Variants in DENND5B observed in about 807,000 individuals in gnomAD.
DENND5B encodes DENN domain containing 5B.
DENND5B carries 34 observed loss-of-function variants against 140.6 expected under a neutral mutation model. The ratio of observed to expected loss-of-function variants is 0.24; its 90% confidence interval spans 0.18 to 0.32. DENND5B has a LOEUF of 0.32. Among genes scored for constraint, DENND5B ranks in the 10% least tolerant of loss-of-function variants. DENND5B has a pLI of 1.00. For missense variants in DENND5B, 1,142 were observed against 1,560.2 expected (o/e 0.73, Z 4.52); for synonymous variants, 551 against 562.1 (o/e 0.98, Z 0.28).
At chr12:31,448,846 CA>C (rs200008716) in intron 5 of DENND5B, among the ~76,000 whole-genome samples, 1 of 134,928 alleles carries the variant, frequency 7.4e-6, no homozygotes, top group African/African-American at 2.5e-5. Flanking sequence ...ACCGCATTTC[CA>C]AAAAAACAAA....
chr12:31,447,567 T>C lies in DENND5B; in HGVS notation c.1832A>G (p.Tyr611Cys), dbSNP rs914100974. 1.9e-6 allele frequency: 3 copies of C among 1,613,490 alleles called. No homozygotes were observed. The highest frequency in any genetic ancestry group is 2.5e-6 in the Non-Finnish European group (3 of 1,179,636). ...TTCTTTTAAAGTGCTGCATTTCTGA[T>C]ATATAGATGTCCGCAAGGTGGGTGC... ...VRAPTLRTSI[Y>C]QKCSTLKEAA... Residue 611 changes from tyrosine (Y) to cysteine (C), a missense_variant, in exon 6 of 21, where the codon TAT (tyrosine) becomes TGT (cysteine). Around this residue, in one of 5 missense-constraint regions of DENND5B, gnomAD observed 708 missense variants for 905.5 expected, o/e 0.78. Transcript: ENST00000389082.
chr12:31,546,155 C>CTA (rs758250250), intron 1 of DENND5B, among the ~76,000 whole-genome samples: 19 of 151,768 alleles, frequency 1.3e-4, no homozygotes, highest in Non-Finnish European at 1.8e-4. Context: ...AAATTAGAAA[C>CTA]TATATATATA....
At chr12:31,392,454 A>T (rs1941197199) in intron 18 of DENND5B, 61 bp from the exon 19 acceptor site, 1 of 1,595,198 alleles carries the variant, frequency 6.3e-7, no homozygotes. Context: ...TAAAAAAAAC[A>T]CTAGAGAAGC....
chr12:31,418,546 G>A (rs991328959), intron 11 of DENND5B, among the ~76,000 whole-genome samples: 2 of 151,266 alleles, frequency 1.3e-5, no homozygotes, highest in Non-Finnish European at 2.9e-5. Context: ...TGCCTGCCTC[G>A]GCCTCCCAAA....
chr12:31,458,874 T>A (rs1944893843), intron 4 of DENND5B, among the ~76,000 whole-genome samples: 1 of 152,200 alleles, frequency 6.6e-6, no homozygotes, highest in South Asian at 2.1e-4. Context: ...TATCCATATT[T>A]CATTTCAAAG....
At chr12:31,408,733 T>G (rs2137509008) in intron 14 of DENND5B, among the ~76,000 whole-genome samples, 1 of 152,284 alleles carries the variant, frequency 6.6e-6, no homozygotes, top group Non-Finnish European at 1.5e-5. Flanking sequence ...ACTTTGATTT[T>G]ATGTGTTTTC....
At chr12:31,439,212 C>T (rs947156014) in intron 7 of DENND5B, among the ~76,000 whole-genome samples, 1 of 152,226 alleles carries the variant, frequency 6.6e-6, no homozygotes, top group African/African-American at 2.4e-5. Flanking sequence ...GAAGTTCTCT[C>T]AACAGTTGAT....
chr12:31,500,844 G>T (rs1946976726), intron 1 of DENND5B, among the ~76,000 whole-genome samples: 1 of 152,150 alleles, frequency 6.6e-6, no homozygotes, highest in Non-Finnish European at 1.5e-5. Flanking sequence ...CACTTTGGAA[G>T]AGAGTTTGGC....
chr12:31,465,050 G>A (rs1294009866), intron 3 of DENND5B: 1 of 152,194 alleles, frequency 6.6e-6, no homozygotes, highest in African/African-American at 2.4e-5. Context: ...TGTCAAAAAT[G>A]TGCCTAGTGA....
chr12:31,479,510 T>C, intron 3 of DENND5B, 79 bp downstream of exon 3: 1 of 1,309,784 alleles, frequency 7.6e-7, no homozygotes, highest in Non-Finnish European at 1.0e-6. Context: ...TCGGTTCTAA[T>C]AATATACCCC....
intron 1 of DENND5B, among the ~76,000 whole-genome samples, chr12:31,576,518 A>G (rs1950024278): frequency 6.6e-6 from 1 of 151,822 alleles, no homozygotes; most frequent in Non-Finnish European, 1.5e-5. Context: ...AGAAAAGAAA[A>G]AAGAAAAAAA....
At chr12:31,419,392 G>A (rs898958422) in intron 11 of DENND5B, among the ~76,000 whole-genome samples, 2 of 149,880 alleles carry the variant, frequency 1.3e-5, no homozygotes, top group East Asian at 1.9e-4. Context: ...GCAGTGGGCC[G>A]AAATCATGCC....
At position 31,385,864 on chromosome 12, in the gene DENND5B, GACGGGGTTTC is replaced by G. The variant is rs1195734498; in HGVS notation, c.*1729_*1738del. 1 of 152,442 alleles carries G rather than the reference GACGGGGTTTC, an allele frequency of 6.6e-6. No homozygotes were observed. The highest frequency in any genetic ancestry group is 1.5e-5 in the Non-Finnish European group (1 of 68,260). The allele number at this position is 152,442 out of a possible 1,614,324, so 9.4% of individuals were successfully genotyped here. On this transcript the variant is annotated 3_prime_UTR_variant, in exon 21 of 21. Coordinates refer to ENST00000389082, the MANE Select transcript of DENND5B (RefSeq NM_144973.4). The stretch of plus-strand genomic sequence containing the variant: ...GCTAATTTTTTGTATTTTTAGTAGA[GACGGGGTTTC>G]ACGGTGTTAGCCAGGAGGGTCTCAA...
chr12:31,543,155 C>T lies in DENND5B; in HGVS notation c.128-47236G>A, dbSNP rs575045578. The stretch of plus-strand genomic sequence containing the variant: ...TCCAGGAGGTTGAGGCTACAGTGAG[C>T]GTTGACCGGGCCACTGCACTCCAGC... On this transcript the variant is annotated intron_variant, in intron 1 of 20. Transcript: ENST00000389082. Among the ~76,000 whole-genome samples the T allele has an allele frequency of 1.5e-4, 23 of 152,188 alleles. No homozygotes were observed. The East Asian group carries it at 4.1e-3, about 27-fold the overall frequency.
intron 1 of DENND5B, among the ~76,000 whole-genome samples, chr12:31,547,031 G>T (rs1337992939): frequency 1.3e-5 from 2 of 152,148 alleles, no homozygotes; most frequent in Non-Finnish European, 2.9e-5. Context: ...CAGCAAATAT[G>T]CTTCATTAGC....
At chr12:31,500,456 A>C (rs887756489) in intron 1 of DENND5B, 13 of 441,702 alleles carry the variant, frequency 2.9e-5, no homozygotes, top group Admixed American at 2.0e-4. Context: ...GAGGCAGGTG[A>C]ATTGCTTGAG....
At chr12:31,427,498 C>A (rs949527118) in intron 8 of DENND5B, among the ~76,000 whole-genome samples, 2 of 151,440 alleles carry the variant, frequency 1.3e-5, no homozygotes, top group Non-Finnish European at 2.9e-5. Context: ...CCCAGCTACT[C>A]GGGAGGCTGA....
intron 11 of DENND5B, among the ~76,000 whole-genome samples, chr12:31,420,585 AG>A (rs1251852073): frequency 6.6e-6 from 1 of 152,060 alleles, no homozygotes; most frequent in Non-Finnish European, 1.5e-5. Context: ...TTGGGATTAC[AG>A]GTGTGCACCA....
rs775914578 is a variant in DENND5B at position 31,495,867 on chromosome 12, G to A, written c.180C>T (p.Leu60=). 41 of 1,613,002 alleles carry A rather than the reference G, an allele frequency of 2.5e-5. No individual in the cohort carries two copies. Among genetic ancestry groups the A allele is most frequent in the Middle Eastern group, 3.3e-4 (2 of 6,078 alleles). Residue 60 remains leucine, a synonymous_variant, in exon 2 of 21, where the codon CTC becomes CTT. Coordinates refer to ENST00000389082, the MANE Select transcript of DENND5B (RefSeq NM_144973.4). ...ATTCTATATTCTGAGGATAGTGGGC[G>A]AGAACTTTGGATTTGAATGTTCTTC... ...PLRRTFKSKV[L]AHYPQNIEWN...
Sources: gnomAD v4.1 joint callset for allele counts (sites outside exome capture counted in the v4.1 genomes callset) on GRCh38, gnomAD v4.1.1 for gene constraint, gnomAD v4.1.1 regional missense constraint, MANE v1.5 for transcripts, NCBI Gene and HGNC (gene_info 2026-07-23, HGNC 2026-07-21) for gene names.